FAM186A: variants seen among roughly 807,000 people sequenced by gnomAD.
FAM186A encodes the protein protein FAM186A.
A neutral mutation model predicts 216.8 loss-of-function variants in FAM186A; 163 were observed. That is an observed-to-expected ratio of 0.75 (90% CI 0.66 to 0.86). The LOEUF (loss-of-function observed/expected upper bound fraction) is 0.86, where lower values mean the gene tolerates loss of function less well. Among genes scored for constraint, FAM186A ranks in the 40% least tolerant of loss-of-function variants. The pLI, the probability that FAM186A is intolerant of heterozygous loss-of-function variation, is 0.00. For missense variants in FAM186A, 2,184 were observed against 2,746.2 expected (o/e 0.80, Z 4.58); for synonymous variants, 805 against 1,025.3 (o/e 0.79, Z 4.10).
intron 2 of FAM186A, 21 bp downstream of exon 2, chr12:50,363,124 G>A (rs1359226061): frequency 1.3e-6 from 2 of 1,519,712 alleles, no homozygotes; most frequent in Non-Finnish European, 1.8e-6. Context: ...GTTTTCCTCT[G>A]AACCGCTTCT....
chr12:50,333,157 C>A (rs1942672625), intron 5 of FAM186A, among the ~76,000 whole-genome samples: 1 of 152,144 alleles, frequency 6.6e-6, no homozygotes, highest in Non-Finnish European at 1.5e-5. Context: ...GTAAACTAAT[C>A]TTATAAATTA....
At chr12:50,370,131 A>AAAAAAAAAC (rs1943129937) in intron 1 of FAM186A, among the ~76,000 whole-genome samples, 1 of 146,898 alleles carries the variant, frequency 6.8e-6, no homozygotes, top group East Asian at 2.0e-4. Context: ...CTCAAAAAAA[A>AAAAAAAAAC]AAAAAAAAAA....
In FAM186A at chr12:50,350,600, T is replaced by C; in HGVS notation, c.6232A>G (p.Ile2078Val). The C allele has an allele frequency of 6.4e-7, 1 of 1,551,632 alleles. No homozygotes were observed. Among genetic ancestry groups the C allele is most frequent in the East Asian group, 2.4e-5 (1 of 40,924 alleles). The change falls in exon 4 of 8, where the codon ATA becomes GTA. Residue 2078 changes from isoleucine to valine, a missense_variant. By Grantham distance (29) the Ile-to-Val change is conservative. This residue lies in a region of FAM186A where 721 missense variants were observed against 816.4 expected (regional missense o/e 0.88). Transcript: ENST00000327337. ...SRFPPIDKPW[I>V]LSSVSDTKKP... is the part of the protein sequence containing the mutation. Reference sequence around the variant, plus strand: ...TTGGTATCTGAAACTGAACTCAGTATCCAGGGCTTGTCTATAGGAGGGAAT... The same window carrying C: ...TTGGTATCTGAAACTGAACTCAGTACCCAGGGCTTGTCTATAGGAGGGAAT...
At chr12:50,343,411 G>GT (rs888970432) in intron 4 of FAM186A, among the ~76,000 whole-genome samples, 6 of 152,140 alleles carry the variant, frequency 3.9e-5, no homozygotes, top group South Asian at 2.1e-4. Flanking sequence ...AACATTCAGG[G>GT]TTTTTTTATT....
At chr12:50,343,764 G>T (rs11169386) in intron 4 of FAM186A, among the ~76,000 whole-genome samples, 75,221 of 151,960 alleles carry the variant, frequency 0.5, 22,113 homozygotes, top group Non-Finnish European at 0.64. Context: ...GACTACAGGC[G>T]CCCGCCACCA....
chr12:50,361,038 G>T (rs1943029511), intron 2 of FAM186A, 112 bp from the exon 3 acceptor site: 2 of 728,308 alleles, frequency 2.7e-6, no homozygotes, highest in Non-Finnish European at 4.1e-6. Context: ...GGGAATATAG[G>T]TATCTCACAC....
At position 50,351,722 on chromosome 12, in the gene FAM186A, T is replaced by C; in HGVS notation, c.5110A>G (p.Thr1704Ala). 6.4e-7 allele frequency: 1 copy of C among 1,551,428 alleles called. No individual in the cohort carries two copies. Among genetic ancestry groups the C allele is most frequent in the East Asian group, 2.4e-5 (1 of 40,922 alleles). Residue 1704 changes from threonine to alanine, a missense_variant, in exon 4 of 8, where the codon ACC becomes GCC. Transcript: ENST00000327337. ...DKAHTLGSPL[T>A]LKQVQWSHRP... is the part of the protein sequence containing the mutation. ...TGGGACCACTGGACTTGCTTAAGGG[T>C]GAGGGGCGATCCCAAGGTATGGGCT...
chr12:50,331,888 A>G, intron 5 of FAM186A, 67 bp from the exon 6 acceptor site: 3 of 1,370,050 alleles, frequency 2.2e-6, no homozygotes, highest in Non-Finnish European at 2.9e-6. Flanking sequence ...AAGGGTCTTC[A>G]GAGCTGGCCC....
At chr12:50,350,272 G>T in intron 4 of FAM186A, 57 bp downstream of exon 4, 1 of 1,395,560 alleles carries the variant, frequency 7.2e-7, no homozygotes, top group Non-Finnish European at 9.6e-7. Flanking sequence ...GACAATGACA[G>T]AAAATATTTG....
At chr12:50,370,505 G>A (rs1468206901) in intron 1 of FAM186A, among the ~76,000 whole-genome samples, 1 of 152,056 alleles carries the variant, frequency 6.6e-6, no homozygotes, top group Non-Finnish European at 1.5e-5. Flanking sequence ...AAAATAACAA[G>A]TGTGGGTGAG....
rs1943241444 is a variant in FAM186A at position 50,380,246 on chromosome 12, GGTTAAATAT to G, written c.192+16038_192+16046del. Among the ~76,000 whole-genome samples, 4 of 152,012 alleles carry G rather than the reference GGTTAAATAT, an allele frequency of 2.6e-5. No homozygotes were observed. In the South Asian group the frequency reaches 8.3e-4, roughly 31 times the overall value. ...ACAGTATATTGAGTGGACAATGTAA[GGTTAAATAT>G]AAAACAATGGTACATAAATGCAGTG... On this transcript the variant is annotated intron_variant, in intron 1 of 7. Coordinates refer to ENST00000327337, the MANE Select transcript of FAM186A (RefSeq NM_001145475.3).
chr12:50,370,117 C>T (rs1295558848), intron 1 of FAM186A, among the ~76,000 whole-genome samples: 1 of 55,530 alleles, frequency 1.8e-5, no homozygotes, highest in Non-Finnish European at 3.2e-5. Context: ...GAGCGAGACT[C>T]CATCTCAAAA....
chr12:50,328,177 A>G (rs114880081), intron 7 of FAM186A, among the ~76,000 whole-genome samples: 1,616 of 152,312 alleles, frequency 0.011, 27 homozygotes, highest in African/African-American at 0.035. Flanking sequence ...GTTGAAAAAT[A>G]TCCAAATTTC....
At chr12:50,334,193 G>A (rs1308881603) in intron 4 of FAM186A, 90 bp from the exon 5 acceptor site, 18 of 1,152,286 alleles carry the variant, frequency 1.6e-5, no homozygotes, top group South Asian at 8.6e-5. Flanking sequence ...TTTTTGAGAC[G>A]GAGTTTCGAT....
At chr12:50,394,112 G>A (rs1209555737) in intron 1 of FAM186A, among the ~76,000 whole-genome samples, 1 of 151,986 alleles carries the variant, frequency 6.6e-6, no homozygotes, top group Non-Finnish European at 1.5e-5. Flanking sequence ...TAGAGACCGG[G>A]TTTCACCATA....
intron 4 of FAM186A, among the ~76,000 whole-genome samples, chr12:50,334,780 T>C (rs565210279): frequency 1.3e-5 from 2 of 151,802 alleles, no homozygotes; most frequent in East Asian, 3.9e-4. Context: ...GCCCAACCTG[T>C]CCTCAGTTTC....
At chr12:50,329,771 T>G (rs1592594405) in intron 7 of FAM186A, among the ~76,000 whole-genome samples, 1 of 152,200 alleles carries the variant, frequency 6.6e-6, no homozygotes. Context: ...TAATGTTGTA[T>G]TTTTAGTAGA....
chr12:50,347,930 C>T (rs558268447), intron 4 of FAM186A, among the ~76,000 whole-genome samples: 195 of 151,740 alleles, frequency 1.3e-3, no homozygotes, highest in Non-Finnish European at 2.3e-3. Flanking sequence ...TTTGAGACGA[C>T]GGCACAGTCT....
chr12:50,355,297 TC>T lies in FAM186A; in HGVS notation c.1534del (p.Asp512IlefsTer16). 6.4e-7 allele frequency: 1 copy of T among 1,550,998 alleles called. No homozygotes were observed. The highest frequency in any genetic ancestry group is 8.7e-7 in the Non-Finnish European group (1 of 1,146,880). ...TGCTTCAGTGGGTGACTTTGATTTA[TC>T]TTCAGAAAAGGATTTCATTTCTTTT... ...KRKEMKSFSE[D>X]KSKSPTEAKR... is the part of the protein sequence containing the mutation. On this transcript the variant is annotated frameshift_variant, in exon 4 of 8. Coordinates refer to ENST00000327337, the MANE Select transcript of FAM186A (RefSeq NM_001145475.3). LOFTEE classifies it high-confidence loss of function.
Sources: gnomAD v4.1 joint callset for allele counts (sites outside exome capture counted in the v4.1 genomes callset) on GRCh38, gnomAD v4.1.1 for gene constraint, gnomAD v4.1.1 regional missense constraint, MANE v1.5 for transcripts, NCBI Gene and HGNC (gene_info 2026-07-23, HGNC 2026-07-21) for gene names.